THSD4: variants seen among roughly 807,000 people sequenced by gnomAD.
THSD4 encodes the protein thrombospondin type 1 domain containing 4.
A neutral mutation model predicts 119.0 loss-of-function variants in THSD4; 69 were observed. That is an observed-to-expected ratio of 0.58 (90% CI 0.48 to 0.71). The LOEUF (loss-of-function observed/expected upper bound fraction) is 0.71. Among genes scored for constraint, THSD4 ranks in the 30% least tolerant of loss-of-function variants. The pLI is 0.00. For synonymous variants in THSD4, 524 were observed against 540.4 expected (o/e 0.97, Z 0.42); for missense variants, 1,393 against 1,391.1 (o/e 1.00, Z -0.02).
At chr15:71,134,533 G>C (rs1442894187) in intron 1 of THSD4, among the ~76,000 whole-genome samples, 2 of 152,230 alleles carry the variant, frequency 1.3e-5, no homozygotes, top group Non-Finnish European at 2.9e-5. Context: ...TAAGAAACTC[G>C]TGCCGTTCAT....
intron 7 of THSD4, among the ~76,000 whole-genome samples, chr15:71,597,480 C>T (rs539058013): frequency 1.3e-4 from 20 of 152,240 alleles, no homozygotes; most frequent in African/African-American, 4.8e-4. Flanking sequence ...TTTATGCCAG[C>T]TATTTCTATA....
At chr15:71,239,064 A>C (rs1030538941) in intron 4 of THSD4, among the ~76,000 whole-genome samples, 1 of 152,148 alleles carries the variant, frequency 6.6e-6, no homozygotes, top group Admixed American at 6.5e-5. Context: ...TAGAGCTATT[A>C]AATAGCCAAA....
chr15:71,296,977 C>A lies in THSD4; in HGVS notation c.1015+40262C>A, dbSNP rs80266923. Among the ~76,000 whole-genome samples, 70 of 152,200 alleles carry A rather than the reference C, an allele frequency of 4.6e-4. No individual in the cohort carries two copies. In the East Asian group the frequency reaches 0.013, roughly 29 times the overall value. ...TGCTACTGTAATGGACCTCAGTGCT[C>A]TTTTCTTTCTTTTGGCTGTTTCTGC... On this transcript the variant is annotated intron_variant, in intron 6 of 17. Transcript: ENST00000261862.
intron 11 of THSD4, among the ~76,000 whole-genome samples, chr15:71,740,965 C>T (rs1184274761): frequency 6.6e-6 from 1 of 152,182 alleles, no homozygotes; most frequent in Non-Finnish European, 1.5e-5. Context: ...CATGAATATA[C>T]ACTTTGCAAC....
At chr15:71,257,170 A>C (rs914993042) in intron 6 of THSD4, among the ~76,000 whole-genome samples, 5 of 152,130 alleles carry the variant, frequency 3.3e-5, no homozygotes, top group African/African-American at 1.2e-4. Context: ...GCTGATTCCA[A>C]AGATAATAGT....
intron 7 of THSD4, among the ~76,000 whole-genome samples, chr15:71,511,652 A>C (rs546335898): frequency 2.4e-4 from 37 of 152,288 alleles, no homozygotes; most frequent in African/African-American, 8.7e-4. Flanking sequence ...CATTTAAGTG[A>C]CTTTGATTAA....
chr15:71,728,982 A>G, intron 9 of THSD4: 1 of 495,980 alleles, frequency 2.0e-6, no homozygotes, highest in South Asian at 2.5e-5. Context: ...AACCAATTTT[A>G]CTTGTTGAAC....
intron 7 of THSD4, among the ~76,000 whole-genome samples, chr15:71,638,760 T>C (rs2050798779): frequency 6.6e-6 from 1 of 152,218 alleles, no homozygotes; most frequent in South Asian, 2.1e-4. Context: ...GGTTTAAGAA[T>C]GTAAGCAGAA....
intron 7 of THSD4, among the ~76,000 whole-genome samples, chr15:71,546,260 G>A (rs1232083255): frequency 2.6e-5 from 4 of 151,960 alleles, no homozygotes; most frequent in African/African-American, 4.8e-5. Flanking sequence ...CCACTGCACC[G>A]TGCAGTCATC....
intron 6 of THSD4, among the ~76,000 whole-genome samples, chr15:71,265,298 G>A (rs1027445283): frequency 6.6e-6 from 1 of 152,128 alleles, no homozygotes; most frequent in Non-Finnish European, 1.5e-5. Flanking sequence ...TACAGCCCAC[G>A]GAGGCTGAGC....
chr15:71,180,785 A>C (rs1426538004), intron 3 of THSD4, among the ~76,000 whole-genome samples: 1 of 152,194 alleles, frequency 6.6e-6, no homozygotes, highest in Non-Finnish European at 1.5e-5. Flanking sequence ...TGGCTATTCA[A>C]TAGTGAGGGG....
Position 71,524,753 on chromosome 15 carries a change from C to T in THSD4, c.1152+112930C>T, listed in dbSNP as rs1232512991. On this transcript the variant is annotated intron_variant, in intron 7 of 17. Coordinates refer to ENST00000261862, the MANE Select transcript of THSD4 (RefSeq NM_024817.3). ...CTGGGACTACAGGTGCCCACCACCA[C>T]GCCCGGCTAATTTTTTTTTTTTTTT... Among the ~76,000 whole-genome samples the T allele has an allele frequency of 2.2e-4, 31 of 140,396 alleles. 1 individual carries two copies. Among genetic ancestry groups the T allele is most frequent in the Admixed American group, 7.5e-4 (10 of 13,414 alleles). 92.1% of individuals were successfully genotyped at this position (140,396 alleles called of 152,430 possible).
chr15:71,650,787 G>A (rs1050726592), intron 7 of THSD4, among the ~76,000 whole-genome samples: 5 of 152,194 alleles, frequency 3.3e-5, no homozygotes, highest in African/African-American at 1.2e-4. Context: ...TTAGGCCTCA[G>A]CCCGCCTGCA....
In THSD4 at chr15:71,723,658, T is replaced by A. The variant is rs564273745; in HGVS notation, c.1358-4891T>A. 2.2e-4 allele frequency among the ~76,000 whole-genome samples: 34 copies of A among 152,240 alleles called. No individual in the cohort carries two copies. The South Asian group carries it at 6.4e-3, about 29-fold the overall frequency. On this transcript the variant is annotated intron_variant, in intron 8 of 17. Transcript: ENST00000261862. ...TCAGTAAGTGTATGGACAAACTGAA[T>A]TAAACTGAATTAAATGCCTTGAAGG... is the stretch of plus-strand genomic sequence containing the variant.
intron 8 of THSD4, among the ~76,000 whole-genome samples, chr15:71,705,200 C>T (rs1192334075): frequency 1.3e-5 from 2 of 152,170 alleles, no homozygotes; most frequent in Admixed American, 1.3e-4. Flanking sequence ...GAGGGATGGG[C>T]ACCCGGAGCC....
chr15:71,720,049 T>TTTC (rs2052690882), intron 8 of THSD4, among the ~76,000 whole-genome samples: 2 of 148,670 alleles, frequency 1.3e-5, no homozygotes, highest in East Asian at 3.9e-4. Flanking sequence ...TTTTTTTTTT[T>TTTC]TTTGAGACAC....
At chr15:71,317,345 A>G (rs1443063665) in intron 6 of THSD4, among the ~76,000 whole-genome samples, 1 of 152,228 alleles carries the variant, frequency 6.6e-6, no homozygotes, top group Non-Finnish European at 1.5e-5. Context: ...TTGTAAAGAA[A>G]AAGAGGTTTA....
intron 6 of THSD4, among the ~76,000 whole-genome samples, chr15:71,279,794 AAAC>A (rs1194624561): frequency 1.3e-5 from 2 of 152,088 alleles, no homozygotes; most frequent in Non-Finnish European, 2.9e-5. Context: ...TAAAAAAAAA[AAAC>A]ACAAAGATTG....
intron 2 of THSD4, among the ~76,000 whole-genome samples, chr15:71,151,326 T>C (rs1276306693): frequency 6.6e-6 from 1 of 152,008 alleles, no homozygotes; most frequent in Non-Finnish European, 1.5e-5. Context: ...GTGGCTACTG[T>C]GTGTGCCAAG....
Sources: allele counts gnomAD v4.1 joint callset (sites outside exome capture counted in the v4.1 genomes callset), GRCh38; gene constraint gnomAD v4.1.1; transcripts MANE v1.5; gene names NCBI Gene and HGNC (gene_info 2026-07-23, HGNC 2026-07-21).